BABAM2: variants seen among roughly 807,000 people sequenced by gnomAD.
The protein encoded by BABAM2 is BRISC and BRCA1 A complex member 2, also known as BRISC and BRCA1-A complex member 2.
In BABAM2, 31 loss-of-function variants were observed where a neutral mutation model predicts 54.7. The ratio of observed to expected loss-of-function variants is 0.57; its 90% CI spans 0.43 to 0.77. The LOEUF is 0.77. Among genes scored for constraint, BABAM2 ranks in the 30% least tolerant of loss-of-function variants. BABAM2 has a pLI of 0.00. For missense variants in BABAM2, 364 were observed against 455.8 expected (o/e 0.80, Z 1.83); for synonymous variants, 167 against 162.9 (o/e 1.03, Z -0.19).
At chr2:28,085,525 A>T (rs1221002628) in intron 6 of BABAM2, among the ~76,000 whole-genome samples, 1 of 152,216 alleles carries the variant, frequency 6.6e-6, no homozygotes, top group Non-Finnish European at 1.5e-5. Context: ...TGATGTTCAG[A>T]GTTACAGAAA....
intron 7 of BABAM2, among the ~76,000 whole-genome samples, chr2:28,187,143 G>T (rs758867684): frequency 1.7e-4 from 26 of 152,140 alleles, no homozygotes; most frequent in Non-Finnish European, 3.2e-4. Flanking sequence ...ATAGGTTTTT[G>T]ATTGTGCATG....
chr2:27,957,082 A>C (rs1270190458), intron 3 of BABAM2, among the ~76,000 whole-genome samples: 1 of 152,204 alleles, frequency 6.6e-6, no homozygotes, highest in Non-Finnish European at 1.5e-5. Context: ...TGGTCATCCC[A>C]GTGTAGAGCA....
intron 10 of BABAM2, among the ~76,000 whole-genome samples, chr2:28,258,715 T>G (rs1301116554): frequency 6.8e-6 from 1 of 148,022 alleles, no homozygotes; most frequent in Non-Finnish European, 1.5e-5. Context: ...CAGGCTCAAG[T>G]GTTCCTCCCA....
chr2:28,142,302 C>T (rs1437386855), intron 7 of BABAM2, among the ~76,000 whole-genome samples: 1 of 152,070 alleles, frequency 6.6e-6, no homozygotes, highest in Non-Finnish European at 1.5e-5. Flanking sequence ...GATGGGTTAA[C>T]ATAATATTGC....
chr2:28,186,157 A>G (rs527501042), intron 7 of BABAM2, among the ~76,000 whole-genome samples: 58 of 152,346 alleles, frequency 3.8e-4, no homozygotes, highest in African/African-American at 1.3e-3. Flanking sequence ...CTTAACCACC[A>G]TATTTTCAGG....
chr2:27,914,812 A>C (rs973865804), intron 2 of BABAM2, among the ~76,000 whole-genome samples: 26 of 152,178 alleles, frequency 1.7e-4, no homozygotes, highest in African/African-American at 6.3e-4. Context: ...ACACATATGC[A>C]TATATAATAT....
intron 7 of BABAM2, among the ~76,000 whole-genome samples, chr2:28,172,006 A>G (rs1193142430): frequency 6.6e-6 from 1 of 152,146 alleles, no homozygotes; most frequent in Non-Finnish European, 1.5e-5. Flanking sequence ...TTAAAAGGGA[A>G]TGGAAGCCAA....
Position 28,202,593 on chromosome 2 carries a change from G to T in BABAM2, c.681-34609G>T, listed in dbSNP as rs1678396307. Among the ~76,000 whole-genome samples the T allele has an allele frequency of 2.0e-5, 3 of 152,232 alleles. No individual in the cohort carries two copies. In the South Asian group the frequency reaches 6.2e-4, roughly 32 times the overall value. On this transcript the variant is annotated intron_variant, in intron 7 of 11. Transcript: ENST00000379624. Reference sequence around the variant, plus strand: ...TACCCAAGTTGGACTTAGTAATGTTGTTCTAGTTTATGCGATGGGAACATT... The same window carrying T: ...TACCCAAGTTGGACTTAGTAATGTTTTTCTAGTTTATGCGATGGGAACATT...
chr2:28,149,808 G>T (rs900156085), intron 7 of BABAM2, among the ~76,000 whole-genome samples: 1 of 152,156 alleles, frequency 6.6e-6, no homozygotes, highest in Non-Finnish European at 1.5e-5. Context: ...TTTGGCCCTA[G>T]CATGTACCTC....
intron 10 of BABAM2, among the ~76,000 whole-genome samples, chr2:28,278,023 G>C (rs1440780187): frequency 6.6e-6 from 1 of 152,228 alleles, no homozygotes; most frequent in Non-Finnish European, 1.5e-5. Context: ...CCAAGGCAGA[G>C]AGAACAGTGT....
At chr2:28,176,688 G>C (rs1049493926) in intron 7 of BABAM2, among the ~76,000 whole-genome samples, 1 of 145,268 alleles carries the variant, frequency 6.9e-6, no homozygotes, top group African/African-American at 2.6e-5. Context: ...CAAAGAGATA[G>C]ATATCCTTAA....
intron 6 of BABAM2, among the ~76,000 whole-genome samples, chr2:28,105,193 CATA>C (rs1201774660): frequency 6.6e-6 from 1 of 151,646 alleles, no homozygotes; most frequent in African/African-American, 2.4e-5. Flanking sequence ...TATAATAAAA[CATA>C]ATAATAATAA....
At chr2:28,006,485 A>G (rs988146896) in intron 4 of BABAM2, among the ~76,000 whole-genome samples, 1 of 152,100 alleles carries the variant, frequency 6.6e-6, no homozygotes, top group Non-Finnish European at 1.5e-5. Context: ...TAGCAAAATG[A>G]GACAAATAAG....
chr2:28,301,372 G>A (rs772621672), intron 11 of BABAM2, among the ~76,000 whole-genome samples: 6 of 152,116 alleles, frequency 3.9e-5, no homozygotes, highest in South Asian at 2.1e-4. Flanking sequence ...TCTGTCCCTC[G>A]CAAGTGAAGC....
At chr2:28,256,096 A>G (rs896664607) in intron 10 of BABAM2, among the ~76,000 whole-genome samples, 2 of 152,226 alleles carry the variant, frequency 1.3e-5, no homozygotes, top group Non-Finnish European at 2.9e-5. Context: ...GAAACTGATT[A>G]TGTGGAACCT....
intron 6 of BABAM2, among the ~76,000 whole-genome samples, chr2:28,046,644 CT>C (rs1373314139): frequency 3.9e-5 from 6 of 152,034 alleles, no homozygotes; most frequent in African/African-American, 1.5e-4. Flanking sequence ...AAGACAGAAT[CT>C]TTGTACAAGT....
chr2:28,169,519 G>C (rs990752877), intron 7 of BABAM2, among the ~76,000 whole-genome samples: 5 of 152,086 alleles, frequency 3.3e-5, no homozygotes, highest in African/African-American at 1.2e-4. Flanking sequence ...GCTTACACCT[G>C]TAATCCCAGT....
intron 10 of BABAM2, among the ~76,000 whole-genome samples, chr2:28,248,207 C>CTTTTTCTTTTTCTTTTTTT (rs1553349503): frequency 1.1e-4 from 6 of 54,306 alleles, no homozygotes; most frequent in Non-Finnish European, 2.2e-4. Context: ...TTTTCTTTTT[C>CTTTTTCTTTTTCTTTTTTT]TTTTTTTTTT....
At chr2:28,078,544 TA>T (rs1664886163) in intron 6 of BABAM2, among the ~76,000 whole-genome samples, 1 of 152,112 alleles carries the variant, frequency 6.6e-6, no homozygotes, top group East Asian at 1.9e-4. Context: ...GCATAGTATA[TA>T]GGGGGTTTGA....
Sources: gnomAD v4.1 joint callset for allele counts (sites outside exome capture counted in the v4.1 genomes callset) on GRCh38, gnomAD v4.1.1 for gene constraint, MANE v1.5 for transcripts, NCBI Gene and HGNC (gene_info 2026-07-23, HGNC 2026-07-21) for gene names.